The following CTNNA2 variants were observed in gnomAD, a reference collection of about 807,000 sequenced individuals.
CTNNA2 encodes the protein catenin alpha-2.
CTNNA2 carries 42 observed loss-of-function variants against 101.0 expected under a neutral mutation model. That is an observed-to-expected ratio of 0.42 (90% confidence interval 0.32 to 0.54). The LOEUF (loss-of-function observed/expected upper bound fraction) is 0.54. CTNNA2 is among the 20% of genes least tolerant of loss of function. CTNNA2 has a pLI of 0.14. For missense variants in CTNNA2, 871 were observed against 1,223.1 expected (o/e 0.71, Z 4.29); for synonymous variants, 450 against 456.4 (o/e 0.99, Z 0.18).
intron 7 of CTNNA2, among the ~76,000 whole-genome samples, chr2:80,267,661 G>T (rs1305204749): frequency 1.3e-5 from 2 of 152,216 alleles, no homozygotes; most frequent in Admixed American, 1.3e-4. Context: ...GGGTTCCTGG[G>T]CTGGTCTGGG....
chr2:79,844,602 G>C (rs932415107), intron 3 of CTNNA2, among the ~76,000 whole-genome samples: 9 of 152,024 alleles, frequency 5.9e-5, no homozygotes, highest in African/African-American at 2.2e-4. Context: ...CATGCAACTG[G>C]TGTGGTAAGT....
Position 79,698,529 on chromosome 2 carries a change from A to G in CTNNA2, c.103-45858A>G, listed in dbSNP as rs144749019. 1.1e-3 allele frequency among the ~76,000 whole-genome samples: 165 copies of G among 152,198 alleles called. 1 individual carries two copies. The highest frequency in any genetic ancestry group is 3.9e-3 in the African/African-American group (160 of 41,536). On this transcript the variant is annotated intron_variant, in intron 2 of 18. Coordinates refer to ENST00000402739, the MANE Select transcript of CTNNA2 (RefSeq NM_001282597.3). ...TAAAAATGATTATACGTGCAATATA[A>G]TTGTTTAGTCCAGAGGGGTGCCTAT...
intron 3 of CTNNA2, among the ~76,000 whole-genome samples, chr2:79,838,990 A>G (rs1679601723): frequency 6.6e-6 from 1 of 152,082 alleles, no homozygotes; most frequent in African/African-American, 2.4e-5. Context: ...GGCGCTTACT[A>G]TGTGCCAGCT....
chr2:80,515,063 T>C (rs774831675), intron 9 of CTNNA2, among the ~76,000 whole-genome samples: 6 of 152,148 alleles, frequency 3.9e-5, no homozygotes, highest in Non-Finnish European at 8.8e-5. Context: ...CAGGGAGATT[T>C]GCAGCACACA....
At chr2:80,525,511 TG>T (rs1264556003) in intron 9 of CTNNA2, among the ~76,000 whole-genome samples, 9 of 152,162 alleles carry the variant, frequency 5.9e-5, no homozygotes, top group Non-Finnish European at 5.9e-5. Context: ...GGAGCAGGAC[TG>T]GCCTCAGGCA....
At chr2:80,513,230 C>A (rs1008079140) in intron 9 of CTNNA2, among the ~76,000 whole-genome samples, 1 of 152,204 alleles carries the variant, frequency 6.6e-6, no homozygotes, top group Non-Finnish European at 1.5e-5. Flanking sequence ...CTTTCAGGAA[C>A]ATAAATGTAA....
chr2:80,041,922 GT>G (rs1283535526), intron 7 of CTNNA2, among the ~76,000 whole-genome samples: 3 of 152,194 alleles, frequency 2.0e-5, no homozygotes, highest in Non-Finnish European at 4.4e-5. Context: ...AATAACAGCA[GT>G]TGATAATCTA....
intron 7 of CTNNA2, among the ~76,000 whole-genome samples, chr2:80,102,101 A>C (rs1188746595): frequency 6.6e-6 from 1 of 152,204 alleles, no homozygotes; most frequent in African/African-American, 2.4e-5. Context: ...CTTGAGTTGC[A>C]GTCTCTCTGA....
At chr2:79,922,520 C>T (rs1686736454) in intron 7 of CTNNA2, among the ~76,000 whole-genome samples, 2 of 152,076 alleles carry the variant, frequency 1.3e-5, no homozygotes, top group Non-Finnish European at 2.9e-5. Flanking sequence ...TTATTACAGA[C>T]ATTGCCTTTT....
intron 4 of CTNNA2, among the ~76,000 whole-genome samples, chr2:79,411,902 C>T (rs1196157583): frequency 6.6e-6 from 1 of 152,090 alleles, no homozygotes; most frequent in Non-Finnish European, 1.5e-5. Flanking sequence ...ACAATATTAT[C>T]TTTAAATATA....
intron 2 of CTNNA2, among the ~76,000 whole-genome samples, chr2:79,217,751 C>A (rs1051604410): frequency 2.0e-5 from 3 of 152,144 alleles, no homozygotes; most frequent in African/African-American, 7.2e-5. Context: ...CCTATGACAC[C>A]TACAGCTACA....
At chr2:80,544,639 T>C (rs759501334) in intron 9 of CTNNA2, among the ~76,000 whole-genome samples, 3 of 152,102 alleles carry the variant, frequency 2.0e-5, no homozygotes, top group African/African-American at 2.4e-5. Flanking sequence ...AGTACTGATA[T>C]GGCCGAGATC....
chr2:79,760,945 A>AG (rs1672746469), intron 3 of CTNNA2, among the ~76,000 whole-genome samples: 2 of 53,602 alleles, frequency 3.7e-5, no homozygotes, highest in African/African-American at 2.2e-4. Flanking sequence ...CAGGTTTGCC[A>AG]AAAGCCAAAT....
intron 2 of CTNNA2, among the ~76,000 whole-genome samples, chr2:79,717,790 A>C (rs561193300): frequency 1.3e-5 from 2 of 152,200 alleles, no homozygotes; most frequent in Non-Finnish European, 2.9e-5. Flanking sequence ...GGTAGGGCCA[A>C]CGTCAGAGAC....
At chr2:79,724,206 C>A (rs1686668004) in intron 2 of CTNNA2, among the ~76,000 whole-genome samples, 1 of 151,186 alleles carries the variant, frequency 6.6e-6, no homozygotes, top group South Asian at 2.1e-4. Context: ...TTTCCATTTT[C>A]TTCTTTTGGC....
chr2:80,174,001 C>G (rs1212868775), intron 7 of CTNNA2, among the ~76,000 whole-genome samples: 1 of 152,148 alleles, frequency 6.6e-6, no homozygotes, highest in Admixed American at 6.5e-5. Context: ...GCTAAAGGAT[C>G]CATTCCACTA....
chr2:79,197,572 G>T (rs1450943138), intron 1 of CTNNA2, among the ~76,000 whole-genome samples: 1 of 152,152 alleles, frequency 6.6e-6, no homozygotes, highest in African/African-American at 2.4e-5. Flanking sequence ...TATTCAATCT[G>T]CCTAGCATAT....
At chr2:80,519,405 A>G (rs193009085) in intron 9 of CTNNA2, among the ~76,000 whole-genome samples, 263 of 152,294 alleles carry the variant, frequency 1.7e-3, no homozygotes, top group Non-Finnish European at 2.9e-3. Context: ...TGGTTTGGTC[A>G]CTAATGAACA....
chr2:80,531,375 A>G (rs1690526633), intron 9 of CTNNA2, among the ~76,000 whole-genome samples: 1 of 152,206 alleles, frequency 6.6e-6, no homozygotes, highest in South Asian at 2.1e-4. Context: ...AAAGCCAGGA[A>G]TGGAGCAGTA....
Sources: allele counts gnomAD v4.1 joint callset (sites outside exome capture counted in the v4.1 genomes callset), GRCh38; gene constraint gnomAD v4.1.1; transcripts MANE v1.5; gene names NCBI Gene and HGNC (gene_info 2026-07-23, HGNC 2026-07-21).